Variants in LDLRAD3 observed in about 807,000 individuals in gnomAD.
LDLRAD3 encodes low density lipoprotein receptor class A domain containing 3.
A neutral mutation model predicts 29.4 loss-of-function variants in LDLRAD3; 20 were observed. The observed-to-expected ratio is 0.68, with a 90% CI of 0.48 to 0.99. The LOEUF is 0.99. LDLRAD3 is among the 50% of genes least tolerant of loss of function. The probability of loss-of-function intolerance (pLI) is 0.00; values close to 1 mark genes in which losing one functional copy is unlikely to be tolerated. For synonymous variants in LDLRAD3, 157 were observed against 192.7 expected (o/e 0.81, Z 1.53); for missense variants, 420 against 454.3 (o/e 0.92, Z 0.69).
chr11:36,161,462 T>A (rs1055436285), intron 4 of LDLRAD3, among the ~76,000 whole-genome samples: 2 of 152,178 alleles, frequency 1.3e-5, no homozygotes, highest in African/African-American at 4.8e-5. Flanking sequence ...TATTTATAAA[T>A]ACATACCTGT....
intron 4 of LDLRAD3, among the ~76,000 whole-genome samples, chr11:36,134,541 G>A (rs1200836057): frequency 6.6e-6 from 1 of 152,178 alleles, no homozygotes; most frequent in Non-Finnish European, 1.5e-5. Context: ...CTTAACAGTG[G>A]TGTGTGGGAA....
intron 4 of LDLRAD3, among the ~76,000 whole-genome samples, chr11:36,099,739 A>G (rs994459357): frequency 2.0e-5 from 3 of 152,220 alleles, no homozygotes; most frequent in African/African-American, 7.2e-5. Flanking sequence ...ACAGATGGTC[A>G]TACATAACAA....
chr11:35,983,718 C>T (rs1851573274), intron 1 of LDLRAD3, among the ~76,000 whole-genome samples: 1 of 152,196 alleles, frequency 6.6e-6, no homozygotes, highest in Non-Finnish European at 1.5e-5. Context: ...GCAACCTCTG[C>T]CTCCTAGGTT....
chr11:36,118,422 T>C (rs1197909230), intron 4 of LDLRAD3, among the ~76,000 whole-genome samples: 4 of 152,028 alleles, frequency 2.6e-5, no homozygotes, highest in Non-Finnish European at 4.4e-5. Flanking sequence ...CATGGCATTG[T>C]ATATGGTATC....
chr11:36,124,565 G>GCACC (rs1195140721), intron 4 of LDLRAD3, among the ~76,000 whole-genome samples: 1 of 152,014 alleles, frequency 6.6e-6, no homozygotes, highest in East Asian at 1.9e-4. Flanking sequence ...TTTTTTCACT[G>GCACC]CACCTGGAGT....
intron 1 of LDLRAD3, among the ~76,000 whole-genome samples, chr11:36,018,470 C>G (rs922337604): frequency 2.6e-5 from 4 of 152,122 alleles, no homozygotes; most frequent in Admixed American, 2.6e-4. Flanking sequence ...TTTGAAGATC[C>G]CTTTCATTTA....
intron 1 of LDLRAD3, among the ~76,000 whole-genome samples, chr11:35,959,796 G>A (rs113964474): frequency 0.012 from 1,751 of 152,154 alleles, 42 homozygotes; most frequent in African/African-American, 0.04. Flanking sequence ...GGGCATGGTA[G>A]GGTACACCTG....
At chr11:36,044,942 T>A (rs1269124071) in intron 2 of LDLRAD3, among the ~76,000 whole-genome samples, 1 of 152,264 alleles carries the variant, frequency 6.6e-6, no homozygotes, top group African/African-American at 2.4e-5. Context: ...GCTTCAGCGC[T>A]CAGGCTTCTC....
At chr11:36,067,287 G>A (rs1852810343) in intron 2 of LDLRAD3, among the ~76,000 whole-genome samples, 1 of 151,984 alleles carries the variant, frequency 6.6e-6, no homozygotes. Context: ...TAATAAATGG[G>A]AATAGTAATA....
At chr11:36,222,460 T>G (rs1335678238) in intron 4 of LDLRAD3, among the ~76,000 whole-genome samples, 1 of 152,114 alleles carries the variant, frequency 6.6e-6, no homozygotes, top group Non-Finnish European at 1.5e-5. Flanking sequence ...GGTACTGACT[T>G]ACCCTCCCAC....
In LDLRAD3 at chr11:36,043,366, A is replaced by C. The variant is rs149447874; in HGVS notation, c.193+7117A>C. 3.7e-3 allele frequency among the ~76,000 whole-genome samples: 561 copies of C among 152,326 alleles called. 4 individuals are homozygous for C. The highest frequency in any genetic ancestry group is 0.013 in the African/African-American group (547 of 41,564). On this transcript the variant is annotated intron_variant, in intron 2 of 5. Coordinates refer to ENST00000315571, the MANE Select transcript of LDLRAD3 (RefSeq NM_174902.4). The stretch of plus-strand genomic sequence containing the variant: ...GAATGATAGCTTCCTGCAGCTGTCT[A>C]ACAGGCTGACGTCTGCAGACATCCT...
chr11:36,223,638 C>T (rs1590368533), intron 4 of LDLRAD3, among the ~76,000 whole-genome samples: 1 of 152,074 alleles, frequency 6.6e-6, no homozygotes, highest in African/African-American at 2.4e-5. Flanking sequence ...GAAGGTGGCT[C>T]GAGCCCAGGA....
intron 2 of LDLRAD3, among the ~76,000 whole-genome samples, chr11:36,055,034 G>C (rs1290138180): frequency 5.3e-4 from 7 of 13,088 alleles, no homozygotes; most frequent in Non-Finnish European, 8.5e-4. Context: ...TGAATGGATG[G>C]ATGGATGCAT....
chr11:36,029,890 G>A (rs1297150423), intron 1 of LDLRAD3, among the ~76,000 whole-genome samples: 1 of 152,162 alleles, frequency 6.6e-6, no homozygotes, highest in Non-Finnish European at 1.5e-5. Flanking sequence ...CCGGTGACTG[G>A]CTCCATCCAT....
intron 2 of LDLRAD3, among the ~76,000 whole-genome samples, chr11:36,047,999 C>T (rs1852476139): frequency 6.6e-6 from 1 of 150,648 alleles, no homozygotes; most frequent in Non-Finnish European, 1.5e-5. Flanking sequence ...TATGAAAGTG[C>T]TGGCTCCTGG....
chr11:36,048,099 G>A (rs1203211490), intron 2 of LDLRAD3, among the ~76,000 whole-genome samples: 1 of 152,206 alleles, frequency 6.6e-6, no homozygotes, highest in African/African-American at 2.4e-5. Context: ...AGCCTCCAGG[G>A]TTGGCGAGAG....
At chr11:36,103,236 CTT>C (rs3082245) in intron 4 of LDLRAD3, among the ~76,000 whole-genome samples, 56 of 123,902 alleles carry the variant, frequency 4.5e-4, no homozygotes, top group Admixed American at 9.0e-4. Flanking sequence ...AGTATTTAAT[CTT>C]TTTTTTTTTT....
chr11:36,064,832 A>G (rs1852765541), intron 2 of LDLRAD3, among the ~76,000 whole-genome samples: 1 of 152,034 alleles, frequency 6.6e-6, no homozygotes, highest in African/African-American at 2.4e-5. Flanking sequence ...AGTTTCACAA[A>G]TTTCCTTCTG....
intron 4 of LDLRAD3, among the ~76,000 whole-genome samples, chr11:36,217,369 T>C (rs1362651649): frequency 1.3e-5 from 2 of 151,472 alleles, no homozygotes; most frequent in African/African-American, 4.9e-5. Context: ...AACTTAATGG[T>C]AAGATAGCCA....
Sources: allele counts gnomAD v4.1 joint callset (sites outside exome capture counted in the v4.1 genomes callset), GRCh38; gene constraint gnomAD v4.1.1; transcripts MANE v1.5; gene names NCBI Gene and HGNC (gene_info 2026-07-23, HGNC 2026-07-21).